SLC39A8: variants seen among roughly 807,000 people sequenced by gnomAD.
SLC39A8 encodes the protein metal cation symporter ZIP8.
A neutral mutation model predicts 40.4 loss-of-function variants in SLC39A8; 15 were observed. That is an observed-to-expected ratio of 0.37 (90% confidence interval 0.25 to 0.57). The LOEUF is 0.57. SLC39A8 is among the 20% of genes least tolerant of loss of function. The pLI, the probability that SLC39A8 is intolerant of heterozygous loss-of-function variation, is 0.75. For missense variants in SLC39A8, 472 were observed against 558.8 expected, an observed-to-expected ratio of 0.84 and a Z score of 1.57; for synonymous variants, 223 against 221.6, an observed-to-expected ratio of 1.01 and a Z score of -0.06.
downstream of SLC39A8, among the ~76,000 whole-genome samples, chr4:102,259,975 A>C (rs898451156): frequency 2.6e-5 from 4 of 152,196 alleles, no homozygotes; most frequent in African/African-American, 7.2e-5. Context: ...CCTGTGAAAA[A>C]CATAGGATTT....
chr4:102,332,384 T>C (rs1022679842), intron 2 of SLC39A8, among the ~76,000 whole-genome samples: 1 of 152,214 alleles, frequency 6.6e-6, no homozygotes, highest in African/African-American at 2.4e-5. Flanking sequence ...AAAGAAGACA[T>C]TTATTTGGCC....
At position 102,344,462 on chromosome 4, in the gene SLC39A8, G is replaced by A; in HGVS notation, c.201C>T (p.Gly67=). 6.5e-7 allele frequency: 1 copy of A among 1,542,156 alleles called. No homozygotes were observed. Among genetic ancestry groups the A allele is most frequent in the East Asian group, 2.5e-5 (1 of 40,392 alleles). ...AASRVGVPEP[G]QLHFNQCLTA... is the part of the protein sequence containing the mutation. ...GCCTTACCTGGTTGAAGTGCAGCTG[G>A]CCAGGCTCCGGGACGCCCACGCGGG... is the stretch of plus-strand genomic sequence containing the variant. The change falls in exon 2 of 9, where the codon GGC becomes GGT. Residue 67 remains glycine, a synonymous_variant. Transcript: ENST00000356736.
intron 6 of SLC39A8, among the ~76,000 whole-genome samples, chr4:102,289,377 G>A (rs1733321232): frequency 6.6e-6 from 1 of 152,102 alleles, no homozygotes; most frequent in South Asian, 2.1e-4. Context: ...GATGTACAAG[G>A]AGATGAATGT....
chr4:102,282,175 A>C (rs1732916233), intron 6 of SLC39A8, among the ~76,000 whole-genome samples: 1 of 152,248 alleles, frequency 6.6e-6, no homozygotes, highest in African/African-American at 2.4e-5. Flanking sequence ...TGTGATCCCC[A>C]GGAGATACAG....
chr4:102,285,449 C>T (rs1266283620), intron 6 of SLC39A8, among the ~76,000 whole-genome samples: 2 of 152,050 alleles, frequency 1.3e-5, no homozygotes, highest in African/African-American at 2.4e-5. Flanking sequence ...ACCCTTAATA[C>T]TTTTATTAAG....
chr4:102,275,774 TAACA>T (rs1207047620), intron 6 of SLC39A8, among the ~76,000 whole-genome samples: 1 of 152,132 alleles, frequency 6.6e-6, no homozygotes, highest in Non-Finnish European at 1.5e-5. Context: ...ACGGAAATCA[TAACA>T]AACAGTCTCT....
At chr4:102,259,287 A>G (rs1731783665), downstream of SLC39A8, among the ~76,000 whole-genome samples, 1 of 152,192 alleles carries the variant, frequency 6.6e-6, no homozygotes, top group African/African-American at 2.4e-5. Context: ...TGGTGACCAT[A>G]AGCTTGGCAA....
At chr4:102,338,569 C>A (rs1735780228) in intron 2 of SLC39A8, among the ~76,000 whole-genome samples, 1 of 152,154 alleles carries the variant, frequency 6.6e-6, no homozygotes, top group Non-Finnish European at 1.5e-5. Flanking sequence ...AGTACCATTT[C>A]CTTAATGTGA....
At chr4:102,315,024 T>C (rs1302670896) in intron 3 of SLC39A8, among the ~76,000 whole-genome samples, 5 of 152,168 alleles carry the variant, frequency 3.3e-5, no homozygotes, top group African/African-American at 9.6e-5. Flanking sequence ...CCCTGAACAA[T>C]TGGTTTATCT....
Position 102,342,425 on chromosome 4 carries a change from G to A in SLC39A8, c.219+2019C>T, listed in dbSNP as rs533557809. Among the ~76,000 whole-genome samples, 12 of 152,328 alleles carry A rather than the reference G, an allele frequency of 7.9e-5. No individual in the cohort carries two copies. In the South Asian group the frequency reaches 1.7e-3, roughly 21 times the overall value. On this transcript the variant is annotated intron_variant, in intron 2 of 8. Coordinates refer to ENST00000356736, the MANE Select transcript of SLC39A8 (RefSeq NM_001135146.2). ...GAGGCAGGAGAATTGCTTGAACCCA[G>A]AGGGGGAGGTTGTGGTGAACTGAGA...
chr4:102,337,693 T>C (rs1301257615), intron 2 of SLC39A8, among the ~76,000 whole-genome samples: 2 of 152,158 alleles, frequency 1.3e-5, no homozygotes, highest in Non-Finnish European at 2.9e-5. Context: ...TAAGGGAAGA[T>C]TTCCATTCTA....
Position 102,307,558 on chromosome 4 carries a change from G to A in SLC39A8, c.430C>T (p.Leu144Phe), listed in dbSNP as rs1734238069. Reference protein sequence around the residue: ...LSVTIINLASLLGLILTPLIK... With the variant: ...LSVTIINLASFLGLILTPLIK... ...AGTGGAGTCAAAATCAATCCGAGGAGAGATGCCAGATTAATAATCGTCACT... is the reference window on the plus strand; with the variant it reads ...AGTGGAGTCAAAATCAATCCGAGGAAAGATGCCAGATTAATAATCGTCACT... The change falls in exon 4 of 9, where the codon CTC becomes TTC. Residue 144 changes from leucine to phenylalanine, a missense_variant. By Grantham distance (22) the Leu-to-Phe change is conservative (BLOSUM62 0). Transcript: ENST00000356736. The A allele has an allele frequency of 1.2e-6, 2 of 1,613,474 alleles. No individual in the cohort carries two copies. The highest frequency in any genetic ancestry group is 4.5e-5 in the East Asian group (2 of 44,838).
At chr4:102,253,414 T>C (rs546748336) in exon 12 of SLC39A8, 1 of 716,612 alleles carries the variant, frequency 1.4e-6, no homozygotes, top group South Asian at 1.5e-5. Flanking sequence ...CTCCAGATAA[T>C]GAAATTACTA....
chr4:102,299,260 A>G (rs1733807591), intron 6 of SLC39A8, among the ~76,000 whole-genome samples: 2 of 151,798 alleles, frequency 1.3e-5, no homozygotes, highest in Non-Finnish European at 2.9e-5. Flanking sequence ...GCATATATGT[A>G]CACACAGAAC....
chr4:102,300,114 C>T (rs968659435), intron 6 of SLC39A8, among the ~76,000 whole-genome samples: 1 of 151,996 alleles, frequency 6.6e-6, no homozygotes, highest in African/African-American at 2.4e-5. Flanking sequence ...TCTGTGACCC[C>T]CACTTTTCCC....
chr4:102,311,270 T>C (rs1256605872), intron 3 of SLC39A8, among the ~76,000 whole-genome samples: 1 of 152,122 alleles, frequency 6.6e-6, no homozygotes, highest in Non-Finnish European at 1.5e-5. Flanking sequence ...AAGAATAAAA[T>C]AAAACCAGTT....
chr4:102,307,685 A>AGAC, intron 3 of SLC39A8, 80 bp from the exon 4 acceptor site: 1 of 1,403,634 alleles, frequency 7.1e-7, no homozygotes, highest in Non-Finnish European at 9.8e-7. Flanking sequence ...TTAAGCTTAA[A>AGAC]AGTGTCTTTA....
chr4:102,330,679 TCAG>T (rs201616709), intron 2 of SLC39A8, among the ~76,000 whole-genome samples: 4,911 of 152,188 alleles, frequency 0.032, 132 homozygotes, highest in Non-Finnish European at 0.049. Flanking sequence ...TTTTACGAGG[TCAG>T]CATCATCCTG....
chr4:102,334,187 A>G (rs1161722455), intron 2 of SLC39A8, among the ~76,000 whole-genome samples: 1 of 152,212 alleles, frequency 6.6e-6, no homozygotes, highest in Non-Finnish European at 1.5e-5. Context: ...AATGAAACAC[A>G]AAGATCATGG....
Sources: gnomAD v4.1 joint callset for allele counts (sites outside exome capture counted in the v4.1 genomes callset) on GRCh38, gnomAD v4.1.1 for gene constraint, MANE v1.5 for transcripts, NCBI Gene and HGNC (gene_info 2026-07-23, HGNC 2026-07-21) for gene names.